DLC1: variants seen among roughly 807,000 people sequenced by gnomAD.
The protein encoded by DLC1 is DLC1 Rho GTPase activating protein, also known as rho GTPase-activating protein 7.
In DLC1, 54 loss-of-function variants were observed where a neutral mutation model predicts 140.3. That is an observed-to-expected ratio of 0.38 (90% CI 0.31 to 0.48). The LOEUF is 0.48. DLC1 is among the 20% of genes least tolerant of loss of function. DLC1 has a pLI of 0.96. For missense variants in DLC1, 2,536 were observed against 1,907.0 expected, an observed-to-expected ratio of 1.33 and a Z score of -6.14; for synonymous variants, 986 against 728.1, an observed-to-expected ratio of 1.35 and a Z score of -5.70.
At chr8:13,171,690 C>T (rs570656828) in intron 5 of DLC1, among the ~76,000 whole-genome samples, 43 of 152,136 alleles carry the variant, frequency 2.8e-4, no homozygotes, top group Non-Finnish European at 5.6e-4. Context: ...GGCCGGCCCA[C>T]ACTTCCTTTT....
chr8:13,526,063 A>G (rs746085344), intron 1 of DLC1, among the ~76,000 whole-genome samples: 7 of 152,170 alleles, frequency 4.6e-5, no homozygotes, highest in Non-Finnish European at 7.4e-5. Context: ...TTCCAAAACC[A>G]TTTGTGACAA....
rs767329084 is a variant in DLC1 at position 13,095,119 on chromosome 8, G to A, written c.3294C>T (p.Ala1098=). 11 of 1,614,266 alleles carry A rather than the reference G, an allele frequency of 6.8e-6. No homozygotes were observed. Among genetic ancestry groups the A allele is most frequent in the Non-Finnish European group, 9.3e-6 (11 of 1,180,050 alleles). ...GQPLPQSIQQ[A]MRYLRNHCLD... is the part of the protein sequence containing the mutation. ...AACAATGGTTCCGGAGGTATCGCATGGCCTGCTGGATGCTCTGAGGCAACG... is the reference window on the plus strand; with the variant it reads ...AACAATGGTTCCGGAGGTATCGCATAGCCTGCTGGATGCTCTGAGGCAACG... The change falls in exon 11 of 18, where the codon GCC becomes GCT. Residue 1098 remains alanine (A), a synonymous_variant. Coordinates refer to ENST00000276297, the MANE Select transcript of DLC1 (RefSeq NM_182643.3).
At chr8:13,315,466 T>C (rs1832829495) in intron 4 of DLC1, among the ~76,000 whole-genome samples, 1 of 152,192 alleles carries the variant, frequency 6.6e-6, no homozygotes, top group African/African-American at 2.4e-5. Context: ...ACCTCTGAGG[T>C]ACATGTCTGA....
chr8:13,514,900 A>G, upstream of DLC1: 1 of 355,378 alleles, frequency 2.8e-6, no homozygotes, highest in Admixed American at 4.7e-5. Context: ...TTGCCTGGAA[A>G]GTATTTCCTG....
chr8:13,423,326 GC>G (rs371227436), intron 2 of DLC1, among the ~76,000 whole-genome samples: 2 of 152,066 alleles, frequency 1.3e-5, no homozygotes, highest in African/African-American at 4.8e-5. Flanking sequence ...ACCTCACAGG[GC>G]CATCTTTGCA....
chr8:13,508,187 C>A (rs1047720628), intron 1 of DLC1, among the ~76,000 whole-genome samples: 2 of 152,304 alleles, frequency 1.3e-5, no homozygotes, highest in African/African-American at 4.8e-5. Context: ...GAGAGGAGAG[C>A]AGATACTGGC....
At position 13,591,873 on chromosome 8, in the gene DLC1, T is replaced by C. The variant is rs1198759109; in HGVS notation, c.-126+12664A>G. 2.6e-5 allele frequency among the ~76,000 whole-genome samples: 4 copies of C among 152,182 alleles called. No individual in the cohort carries two copies. The East Asian group carries it at 7.7e-4, about 29-fold the overall frequency. On this transcript the variant is annotated intron_variant, in intron 1 of 1. Transcript: ENST00000631382. The stretch of plus-strand genomic sequence containing the variant: ...GAGATGGAGGAAATTAAACAAAGAT[T>C]AGATGTAGGGAATGGAGAGAGAAAC...
At chr8:13,107,305 G>A (rs756709328) in intron 7 of DLC1, among the ~76,000 whole-genome samples, 1 of 152,152 alleles carries the variant, frequency 6.6e-6, no homozygotes, top group Non-Finnish European at 1.5e-5. Context: ...CTTGACCAAA[G>A]GAGCTGTAAG....
In DLC1 at chr8:13,109,217, A is replaced by C. The variant is rs533406671; in HGVS notation, c.1502+1525T>G. ...TGCTTTCCTTGCCTACAAAGAGGAA[A>C]GAAATACTGGGTGTCATTCTACCTT... On this transcript the variant is annotated intron_variant, in intron 7 of 17. Coordinates refer to ENST00000276297, the MANE Select transcript of DLC1 (RefSeq NM_182643.3). Among the ~76,000 whole-genome samples, 5 of 152,254 alleles carry C rather than the reference A, an allele frequency of 3.3e-5. No individual in the cohort carries two copies. In the South Asian group the frequency reaches 6.2e-4, roughly 19 times the overall value.
intron 2 of DLC1, among the ~76,000 whole-genome samples, chr8:13,411,600 T>C (rs188128110): frequency 6.6e-6 from 1 of 152,322 alleles, no homozygotes; most frequent in East Asian, 1.9e-4. Flanking sequence ...TGTACTACTT[T>C]GGTGCTGGAT....
chr8:13,341,038 T>G (rs2116983496), intron 4 of DLC1: 1 of 152,234 alleles, frequency 6.6e-6, no homozygotes, highest in South Asian at 2.1e-4. Context: ...AGACTCATGG[T>G]GGGGAGAAAC....
intron 1 of DLC1, among the ~76,000 whole-genome samples, chr8:13,534,620 C>G (rs952808794): frequency 4.6e-5 from 7 of 152,130 alleles, no homozygotes; most frequent in Non-Finnish European, 7.3e-5. Context: ...GTACTGATCT[C>G]TAGGAAAAGC....
rs2117309547 is a variant in DLC1, at chr8:13,256,802, A to T, written c.1348+48467T>A. 3.4e-5 allele frequency among the ~76,000 whole-genome samples: 5 copies of T among 148,750 alleles called. No individual in the cohort carries two copies. The South Asian group carries it at 1.1e-3, about 34-fold the overall frequency. On this transcript the variant is annotated intron_variant, in intron 5 of 17. Transcript: ENST00000276297. ...ATCTTAAACCCTAGATGATGGGTTG[A>T]TGGGTGCAGCAAACCACCATGGCAC... is the stretch of plus-strand genomic sequence containing the variant.
chr8:13,445,481 C>A (rs1284274685), intron 2 of DLC1, among the ~76,000 whole-genome samples: 1 of 152,178 alleles, frequency 6.6e-6, no homozygotes, highest in African/African-American at 2.4e-5. Flanking sequence ...TAGTGTCCAA[C>A]ATTCTACCCT....
At chr8:13,595,921 A>G (rs1805666062) in intron 1 of DLC1, among the ~76,000 whole-genome samples, 1 of 152,026 alleles carries the variant, frequency 6.6e-6, no homozygotes, top group African/African-American at 2.4e-5. Context: ...TCATTTCTAA[A>G]TATATCACAC....
intron 4 of DLC1, among the ~76,000 whole-genome samples, chr8:13,354,377 T>C (rs953883572): frequency 2.6e-5 from 4 of 152,166 alleles, no homozygotes; most frequent in South Asian, 4.1e-4. Flanking sequence ...GGAATGAGAC[T>C]ATCCTCCTCG....
At chr8:13,392,138 A>C (rs1357112296) in intron 4 of DLC1, among the ~76,000 whole-genome samples, 1 of 152,150 alleles carries the variant, frequency 6.6e-6, no homozygotes, top group Non-Finnish European at 1.5e-5. Flanking sequence ...TTTACCCCGA[A>C]AGATCATTGT....
intron 4 of DLC1, among the ~76,000 whole-genome samples, chr8:13,377,693 T>G (rs762289858): frequency 6.6e-6 from 1 of 152,238 alleles, no homozygotes; most frequent in East Asian, 1.9e-4. Context: ...ACATTACAAG[T>G]CATGAAACGT....
At chr8:13,214,097 C>T (rs1332437739) in intron 5 of DLC1, among the ~76,000 whole-genome samples, 1 of 151,986 alleles carries the variant, frequency 6.6e-6, no homozygotes, top group East Asian at 1.9e-4. Flanking sequence ...TATTTGTTTT[C>T]TTTATAAGAA....
Sources: gnomAD v4.1 joint callset for allele counts (sites outside exome capture counted in the v4.1 genomes callset) on GRCh38, gnomAD v4.1.1 for gene constraint, MANE v1.5 for transcripts, NCBI Gene and HGNC (gene_info 2026-07-23, HGNC 2026-07-21) for gene names.